PTGDR: variants seen among roughly 807,000 people sequenced by gnomAD.
The protein encoded by PTGDR is prostaglandin D2 receptor, also known as PGD2 receptor.
In PTGDR, 19 loss-of-function variants were observed where a neutral mutation model predicts 17.4. The observed-to-expected ratio is 1.09, with a 90% CI of 0.76 to 1.60. The LOEUF (loss-of-function observed/expected upper bound fraction) is 1.60. PTGDR is among the 40% of genes most tolerant of loss of function. The pLI is 0.00. For missense variants in PTGDR, 526 were observed against 481.9 expected, an observed-to-expected ratio of 1.09 and a Z score of -0.86; for synonymous variants, 267 against 224.2, an observed-to-expected ratio of 1.19 and a Z score of -1.71.
chr14:52,274,820 A>C lies in PTGDR; in HGVS notation c.936A>C (p.Leu312=), dbSNP rs773204686. The C allele has an allele frequency of 3.3e-5, 53 of 1,612,878 alleles. No individual in the cohort carries two copies. Among genetic ancestry groups the C allele is most frequent in the Non-Finnish European group, 4.4e-5 (52 of 1,178,950 alleles). Residue 312 remains leucine, a synonymous_variant, in exon 2 of 2, where the codon CTA becomes CTC. Transcript: ENST00000306051. The stretch of plus-strand genomic sequence containing the variant: ...AAGACCTCCGAGCCTTGCGATTTCT[A>C]TCTGTGATTTCAATTGTGGACCCTT... ...EAEDLRALRF[L]SVISIVDPWI...
intron 1 of PTGDR, chr14:52,269,302 T>C: frequency 1.6e-6 from 1 of 629,502 alleles, no homozygotes; most frequent in South Asian, 1.9e-5. Context: ...GCTCTTTGTA[T>C]GTTTTAGCTG....
chr14:52,269,529 C>G, intron 1 of PTGDR: 1 of 1,534,216 alleles, frequency 6.5e-7, no homozygotes, highest in Non-Finnish European at 8.7e-7. Flanking sequence ...CTGCTCCTCT[C>G]CTTTCTCCCA....
At position 52,268,749 on chromosome 14, in the gene PTGDR, G is replaced by A. The variant is rs77718792; in HGVS notation, c.846+89G>A. The stretch of plus-strand genomic sequence containing the variant: ...AAGGGTGGAGCGGATCGGGATGGAC[G>A]CGGCGCCAGGCGAGCTGCGCCCTGG... On this transcript the variant is annotated intron_variant, in intron 1 of 1. Coordinates refer to ENST00000306051, the MANE Select transcript of PTGDR (RefSeq NM_000953.3). The A allele has an allele frequency of 2.0e-3, 2,726 of 1,368,836 alleles. 70 individuals carry two copies. The East Asian group carries it at 0.057, about 29-fold the overall frequency. The allele number at this position is 1,368,836 out of a possible 1,614,324, so 84.8% of individuals were successfully genotyped here.
At position 52,276,413 on chromosome 14, in the gene PTGDR, A is replaced by G. The variant is rs200964460; in HGVS notation, c.*1449A>G. The G allele has an allele frequency of 5.9e-5, 9 of 152,104 alleles. No individual in the cohort carries two copies. Among genetic ancestry groups the G allele is most frequent in the African/African-American group, 2.2e-4 (9 of 41,430 alleles). 9.4% of individuals were successfully genotyped at this position (152,104 alleles called of 1,614,324 possible). A position where few individuals can be genotyped will look rare whatever the true frequency, so the allele number is the denominator to read the frequency against. ...AGCAGCAACCTCCTTTGTTTCACTTATGTTTTTTCCAGTATCTGAGATAAT... is the reference window on the plus strand; with the variant it reads ...AGCAGCAACCTCCTTTGTTTCACTTGTGTTTTTTCCAGTATCTGAGATAAT... On this transcript the variant is annotated 3_prime_UTR_variant, in exon 2 of 2. Transcript: ENST00000306051.
intron 1 of PTGDR, 73 bp downstream of exon 1, chr14:52,268,733 G>A: frequency 2.0e-6 from 3 of 1,470,834 alleles, no homozygotes; most frequent in Non-Finnish European, 2.7e-6. Flanking sequence ...GAAGGGTGGA[G>A]CGGATCGGGA....
chr14:52,279,816 G>A (rs778707334), downstream of PTGDR, among the ~76,000 whole-genome samples: 1 of 151,144 alleles, frequency 6.6e-6, no homozygotes, highest in African/African-American at 2.4e-5. Flanking sequence ...TGCAATGAAT[G>A]TGTTTAGAAC....
In PTGDR at chr14:52,275,928, A is replaced by G. The variant is rs536238050; in HGVS notation, c.*964A>G. On this transcript the variant is annotated 3_prime_UTR_variant, in exon 2 of 2. Transcript: ENST00000306051. ...ACCCAGGACTTAGCCTCAGTTGACG[A>G]TAGTAACAATGGCCTTAACATCTAC... 6 of 152,746 alleles carry G rather than the reference A, an allele frequency of 3.9e-5. No individual in the cohort carries two copies. The East Asian group carries it at 1.2e-3, about 29-fold the overall frequency. 9.5% of individuals were successfully genotyped at this position (152,746 alleles called of 1,614,324 possible).
Position 52,268,154 on chromosome 14 carries a change from T to C in PTGDR, c.340T>C (p.Phe114Leu), listed in dbSNP as rs1288253149. The stretch of plus-strand genomic sequence containing the variant: ...CCAAGCCTTCGCCTTCTTCATGTCC[T>C]TCTTTGGGCTCTCCTCGACACTGCA... ...LCQAFAFFMS[F>L]FGLSSTLQLL... The change falls in exon 1 of 2, where the codon TTC becomes CTC. Residue 114 changes from phenylalanine to leucine, a missense_variant. Coordinates refer to ENST00000306051, the MANE Select transcript of PTGDR (RefSeq NM_000953.3). 3.7e-6 allele frequency: 6 copies of C among 1,614,070 alleles called. No homozygotes were observed. Among genetic ancestry groups the C allele is most frequent in the Non-Finnish European group, 4.2e-6 (5 of 1,180,050 alleles).
At chr14:52,279,250 A>T (rs1473494279), downstream of PTGDR, among the ~76,000 whole-genome samples, 1 of 152,250 alleles carries the variant, frequency 6.6e-6, no homozygotes, top group Non-Finnish European at 1.5e-5. Context: ...TCACCATATA[A>T]GGATTTTTCT....
chr14:52,280,644 T>C (rs1157281076), downstream of PTGDR, among the ~76,000 whole-genome samples: 1 of 152,240 alleles, frequency 6.6e-6, no homozygotes, highest in African/African-American at 2.4e-5. Flanking sequence ...GTCATCCCTC[T>C]GTCCACCTGA....
At chr14:52,271,665 T>G (rs2033325525) in intron 1 of PTGDR, among the ~76,000 whole-genome samples, 1 of 152,202 alleles carries the variant, frequency 6.6e-6, no homozygotes, top group Non-Finnish European at 1.5e-5. Flanking sequence ...ACCTGCCACC[T>G]TAAAAGGTCT....
chr14:52,277,266 G>A (rs1314015161), downstream of PTGDR, among the ~76,000 whole-genome samples: 1 of 152,184 alleles, frequency 6.6e-6, no homozygotes, highest in Non-Finnish European at 1.5e-5. Context: ...GCCCAAACTA[G>A]GGACCACGTG....
downstream of PTGDR, among the ~76,000 whole-genome samples, chr14:52,280,613 G>A (rs1202024344): frequency 2.6e-5 from 4 of 152,176 alleles, no homozygotes; most frequent in African/African-American, 9.7e-5. Context: ...CCACAGGTGT[G>A]GGGACATAGG....
intron 1 of PTGDR, 87 bp from the exon 2 acceptor site, chr14:52,274,644 T>C (rs1222469228): frequency 4.3e-6 from 5 of 1,168,880 alleles, no homozygotes; most frequent in Non-Finnish European, 6.2e-6. Flanking sequence ...AGCTGTCATG[T>C]TCTTACAGTA....
chr14:52,277,000 T>C (rs1034546695), downstream of PTGDR, among the ~76,000 whole-genome samples: 2 of 152,234 alleles, frequency 1.3e-5, no homozygotes, highest in Non-Finnish European at 2.9e-5. Context: ...ATATACCATC[T>C]GGATGAAGTC....
In PTGDR at chr14:52,267,756, G is replaced by A. The variant is rs201176157; in HGVS notation, c.-59G>A. On this transcript the variant is annotated 5_prime_UTR_variant, in exon 1 of 2. Coordinates refer to ENST00000306051, the MANE Select transcript of PTGDR (RefSeq NM_000953.3). ...AGCTGCCGGGGGCTCCTTAGCACCC[G>A]GGCGCCGGGGCCCTCGCCCTTCCGC... 15 of 1,479,308 alleles carry A rather than the reference G, an allele frequency of 1.0e-5. No homozygotes were observed. The highest frequency in any genetic ancestry group is 2.8e-5 in the South Asian group (2 of 70,290). 91.6% of individuals were successfully genotyped at this position (1,479,308 alleles called of 1,614,324 possible).
chr14:52,268,386 A>C lies in PTGDR; in HGVS notation c.572A>C (p.Glu191Ala). The C allele has an allele frequency of 6.2e-7, 1 of 1,612,290 alleles. No homozygotes were observed. Among genetic ancestry groups the C allele is most frequent in the African/African-American group, 1.3e-5 (1 of 75,018 alleles). Reference protein sequence around the residue: ...TWCFIQMVHEEGSLSVLGYSV... With the variant: ...TWCFIQMVHEAGSLSVLGYSV... The stretch of plus-strand genomic sequence containing the variant: ...TGCTTTATCCAGATGGTCCACGAGG[A>C]GGGCTCGCTGTCGGTGCTGGGGTAC... Residue 191 changes from glutamate to alanine, a missense_variant, in exon 1 of 2, where the codon GAG becomes GCG. Coordinates refer to ENST00000306051, the MANE Select transcript of PTGDR (RefSeq NM_000953.3).
At chr14:52,280,754 G>C (rs961627192), downstream of PTGDR, among the ~76,000 whole-genome samples, 5 of 152,174 alleles carry the variant, frequency 3.3e-5, no homozygotes, top group African/African-American at 4.8e-5. Context: ...ATGAATGACT[G>C]TTTTCCCCTA....
chr14:52,270,388 C>T (rs572936521), intron 1 of PTGDR, among the ~76,000 whole-genome samples: 6 of 152,124 alleles, frequency 3.9e-5, no homozygotes, highest in Admixed American at 3.9e-4. Context: ...TCTAAAAATA[C>T]AAAAATTACC....
Sources: gnomAD v4.1 joint callset for allele counts (sites outside exome capture counted in the v4.1 genomes callset) on GRCh38, gnomAD v4.1.1 for gene constraint, MANE v1.5 for transcripts, NCBI Gene and HGNC (gene_info 2026-07-23, HGNC 2026-07-21) for gene names.